Variants in ELAVL1 observed in about 807,000 individuals in gnomAD.
ELAVL1 encodes the protein ELAV like RNA binding protein 1.
ELAVL1 carries 1 observed loss-of-function variant against 28.4 expected under a neutral mutation model. The ratio of observed to expected loss-of-function variants is 0.04; its 90% CI spans 0.01 to 0.17. The LOEUF is 0.17. ELAVL1 is among the 10% of genes least tolerant of loss of function. The pLI is 1.00. For missense variants in ELAVL1, 157 were observed against 447.2 expected (o/e 0.35, Z 5.85); for synonymous variants, 174 against 183.5 (o/e 0.95, Z 0.42).
chr19:7,996,742 G>C (rs2081050721), intron 1 of ELAVL1, among the ~76,000 whole-genome samples: 1 of 152,234 alleles, frequency 6.6e-6, no homozygotes, highest in Non-Finnish European at 1.5e-5. Context: ...GAACCTGGGA[G>C]GCAGAGGTTG....
At chr19:7,989,253 C>T (rs1221550753) in intron 2 of ELAVL1, among the ~76,000 whole-genome samples, 2 of 152,138 alleles carry the variant, frequency 1.3e-5, no homozygotes, top group African/African-American at 4.8e-5. Flanking sequence ...CAGGTTGCAG[C>T]ATGTTCTCCG....
chr19:7,971,596 A>C (rs1985112575), intron 4 of ELAVL1, among the ~76,000 whole-genome samples: 1 of 152,242 alleles, frequency 6.6e-6, no homozygotes, highest in Non-Finnish European at 1.5e-5. Context: ...GGGAGTTTAC[A>C]CCGAGTAACT....
chr19:7,993,928 T>G (rs1282444927), intron 1 of ELAVL1, among the ~76,000 whole-genome samples: 2 of 152,088 alleles, frequency 1.3e-5, no homozygotes, highest in Non-Finnish European at 2.9e-5. Flanking sequence ...CTGGTTTCTT[T>G]CTTCCTGGTA....
At chr19:7,995,462 C>T (rs8102108) in intron 1 of ELAVL1, among the ~76,000 whole-genome samples, 35,815 of 152,098 alleles carry the variant, frequency 0.24, 4,478 homozygotes, top group Non-Finnish European at 0.28. Context: ...AAGTGGACCT[C>T]CTGAAACACA....
chr19:7,991,910 C>A, intron 1 of ELAVL1, 79 bp from the exon 2 acceptor site: 1 of 1,088,994 alleles, frequency 9.2e-7, no homozygotes, highest in Non-Finnish European at 1.3e-6. Context: ...ACTGCATTTG[C>A]ACTTAGAGAT....
intron 3 of ELAVL1, among the ~76,000 whole-genome samples, chr19:7,977,507 C>A (rs1189630151): frequency 6.6e-6 from 1 of 151,618 alleles, no homozygotes; most frequent in Non-Finnish European, 1.5e-5. Context: ...AGGGACCCAG[C>A]AGTGATGAAG....
intron 2 of ELAVL1, among the ~76,000 whole-genome samples, chr19:7,983,156 C>A (rs1985508484): frequency 6.6e-6 from 1 of 152,160 alleles, no homozygotes; most frequent in African/African-American, 2.4e-5. Flanking sequence ...AGAACAAAAC[C>A]AAAATCAGAT....
intron 1 of ELAVL1, among the ~76,000 whole-genome samples, chr19:7,998,483 C>T (rs1162460283): frequency 1.3e-5 from 2 of 152,140 alleles, no homozygotes; most frequent in African/African-American, 4.8e-5. Flanking sequence ...GTCAAACTGG[C>T]AAGGCCCTTC....
chr19:7,959,066 A>T lies in ELAVL1; in HGVS notation c.*4417T>A, dbSNP rs945774324. ...ATTTATTCACAAGGATTAAAAAAAA[A>T]AAATAAAAAGGCAATGGGCTGATGG... On this transcript the variant is annotated 3_prime_UTR_variant, in exon 6 of 6. Coordinates refer to ENST00000407627, the MANE Select transcript of ELAVL1 (RefSeq NM_001419.3). 13 of 153,644 alleles carry T rather than the reference A, an allele frequency of 8.5e-5. No homozygotes were observed. The highest frequency in any genetic ancestry group is 2.2e-4 in the African/African-American group (9 of 41,538). The allele number at this position is 153,644 out of a possible 1,614,324, so 9.5% of individuals were successfully genotyped here.
chr19:7,967,165 T>C (rs1984977658), intron 5 of ELAVL1, among the ~76,000 whole-genome samples: 2 of 152,186 alleles, frequency 1.3e-5, no homozygotes, highest in African/African-American at 4.8e-5. Flanking sequence ...CTTCCTGAGT[T>C]GCTGCAACTA....
intron 1 of ELAVL1, among the ~76,000 whole-genome samples, chr19:7,995,633 T>A (rs1363481207): frequency 6.6e-6 from 1 of 152,170 alleles, no homozygotes; most frequent in African/African-American, 2.4e-5. Flanking sequence ...CCAAAAAAGC[T>A]GAGAATATTT....
At position 7,963,217 on chromosome 19, in the gene ELAVL1, A is replaced by G. The variant is rs1302090814; in HGVS notation, c.*266T>C. 2.3e-6 allele frequency: 1 copy of G among 435,310 alleles called. No homozygotes were observed. The highest frequency in any genetic ancestry group is 2.0e-5 in the African/African-American group (1 of 50,196). 27.0% of individuals were successfully genotyped at this position (435,310 alleles called of 1,614,324 possible). A position where few individuals can be genotyped will look rare whatever the true frequency, so the allele number is the denominator to read the frequency against. On this transcript the variant is annotated 3_prime_UTR_variant, in exon 6 of 6. Coordinates refer to ENST00000407627, the MANE Select transcript of ELAVL1 (RefSeq NM_001419.3). This position sits in a 1 kb window ranked among gnomAD's most constrained non-coding sequence, Gnocchi z 4.5. Reference sequence around the variant, plus strand: ...TCACCACCATCCAGAGGGACTGGTTAGTCAATGCAGTTCTACTTAGATTTC... The same window carrying G: ...TCACCACCATCCAGAGGGACTGGTTGGTCAATGCAGTTCTACTTAGATTTC...
chr19:7,963,741 G>A lies in ELAVL1; in HGVS notation c.723C>T (p.Ser241=). Residue 241 remains serine, a synonymous_variant, in exon 6 of 6, where the codon TCC becomes TCT. Coordinates refer to ENST00000407627, the MANE Select transcript of ELAVL1 (RefSeq NM_001419.3). This position sits in a 1 kb window ranked among gnomAD's most constrained non-coding sequence, Gnocchi z 4.5. ...TGTAGATGAAAATGCACCAGCCGGA[G>A]GAGGCGTTTCCTGGCACGTTGACGC... is the stretch of plus-strand genomic sequence containing the variant. ...LSGVNVPGNA[S]SGWCIFIYNL... 1 of 1,614,292 alleles carries A rather than the reference G, an allele frequency of 6.2e-7. No homozygotes were observed. The highest frequency in any genetic ancestry group is 2.2e-5 in the East Asian group (1 of 44,884).
Position 7,991,770 on chromosome 19 carries a change from C to T in ELAVL1, c.46G>A (p.Asp16Asn). 6.2e-7 allele frequency: 1 copy of T among 1,614,168 alleles called. No homozygotes were observed. Among genetic ancestry groups the T allele is most frequent in the Non-Finnish European group, 8.5e-7 (1 of 1,180,036 alleles). ...ACGATCAAATTCGTTCTCCCGATGT[C>T]ACCCCTGCAGTCTTCGGCCATGTGG... ...EDHMAEDCRG[D>N]IGRTNLIVNY... The change falls in exon 2 of 6, where the codon GAC (aspartate) becomes AAC (asparagine). Residue 16 changes from aspartate to asparagine, a missense_variant. Around this residue, in one of 4 missense-constraint regions of ELAVL1, gnomAD observed 22 missense variants for 23.7 expected, o/e 0.93. Transcript: ENST00000407627.
chr19:7,970,372 GTCTCGACC>G (rs1319319485), intron 4 of ELAVL1, among the ~76,000 whole-genome samples: 1 of 152,216 alleles, frequency 6.6e-6, no homozygotes, highest in African/African-American at 2.4e-5. Flanking sequence ...GGCCAGGATG[GTCTCGACC>G]TCTCGACCTC....
chr19:7,976,829 T>C (rs1018127971), intron 3 of ELAVL1, among the ~76,000 whole-genome samples: 1 of 151,326 alleles, frequency 6.6e-6, no homozygotes, highest in African/African-American at 2.4e-5. Flanking sequence ...GATCATGACC[T>C]GACACGCTAC....
chr19:7,990,766 G>C (rs990596148), intron 2 of ELAVL1, among the ~76,000 whole-genome samples: 1 of 152,132 alleles, frequency 6.6e-6, no homozygotes, highest in Admixed American at 6.5e-5. Flanking sequence ...AAAGCAGGGC[G>C]GAGACAGAAA....
chr19:7,960,407 T>A lies in ELAVL1; in HGVS notation c.*3076A>T, dbSNP rs1174142323. The stretch of plus-strand genomic sequence containing the variant: ...CCGAGGAAGCCCATGAATTTCAGGA[T>A]ATTCACGCAGGATGGTGGCCGGGGA... On this transcript the variant is annotated 3_prime_UTR_variant, in exon 6 of 6. Coordinates refer to ENST00000407627, the MANE Select transcript of ELAVL1 (RefSeq NM_001419.3). 1 of 152,112 alleles carries A rather than the reference T, an allele frequency of 6.6e-6. No individual in the cohort carries two copies. The allele number at this position is 152,112 out of a possible 1,614,324, so 9.4% of individuals were successfully genotyped here. A position where few individuals can be genotyped will look rare whatever the true frequency, so the allele number is the denominator to read the frequency against.
Position 7,963,938 on chromosome 19 carries a change from T to C in ELAVL1, c.657-131A>G, listed in dbSNP as rs1027153774. On this transcript the variant is annotated intron_variant, in intron 5 of 5. Transcript: ENST00000407627. The surrounding 1 kb of genome is among the most constrained non-coding windows in gnomAD (Gnocchi z 4.5). ...CTGCGCAGCCACGAGGTGCTCACGG[T>C]TGAGACACCTGCATGGGTCAAAACC... 9.1e-6 allele frequency: 9 copies of C among 991,512 alleles called. No homozygotes were observed. Among genetic ancestry groups the C allele is most frequent in the Non-Finnish European group, 1.3e-5 (9 of 689,314 alleles). The allele number at this position is 991,512 out of a possible 1,614,324, so 61.4% of individuals were successfully genotyped here.
Sources: allele counts gnomAD v4.1 joint callset (sites outside exome capture counted in the v4.1 genomes callset), GRCh38; gene constraint gnomAD v4.1.1; regional missense constraint gnomAD v4.1.1; non-coding constraint Gnocchi (gnomAD v3.1); transcripts MANE v1.5; gene names NCBI Gene and HGNC (gene_info 2026-07-23, HGNC 2026-07-21).